TAB2: variants seen among roughly 807,000 people sequenced by gnomAD.
The protein encoded by TAB2 is TGF-beta-activated kinase 1 and MAP3K7-binding protein 2.
TAB2 carries 3 observed loss-of-function variants against 65.0 expected under a neutral mutation model. The observed-to-expected ratio is 0.05, with a 90% CI of 0.02 to 0.12. The LOEUF (loss-of-function observed/expected upper bound fraction) is 0.12, where lower values mean the gene tolerates loss of function less well. Among genes scored for constraint, TAB2 ranks in the 10% least tolerant of loss-of-function variants. The probability of loss-of-function intolerance (pLI) is 1.00; values close to 1 mark genes in which losing one functional copy is unlikely to be tolerated. For missense variants in TAB2, 623 were observed against 840.3 expected, an observed-to-expected ratio of 0.74 and a Z score of 3.20; for synonymous variants, 298 against 285.1, an observed-to-expected ratio of 1.05 and a Z score of -0.46.
intron 1 of TAB2, among the ~76,000 whole-genome samples, chr6:149,259,028 A>G (rs1778098751): frequency 6.6e-6 from 1 of 151,732 alleles, no homozygotes; most frequent in Middle Eastern, 3.2e-3. Context: ...GCAAGAAAAC[A>G]CTCTCTCCCA....
chr6:149,299,085 G>A (rs902068000), intron 1 of TAB2, among the ~76,000 whole-genome samples: 43 of 152,162 alleles, frequency 2.8e-4, no homozygotes, highest in African/African-American at 9.2e-4. Context: ...ACTATTAACC[G>A]TTTTATATAT....
At chr6:149,371,149 A>G (rs1349589490) in intron 2 of TAB2, among the ~76,000 whole-genome samples, 1 of 151,320 alleles carries the variant, frequency 6.6e-6, no homozygotes, top group African/African-American at 2.4e-5. Flanking sequence ...GTTTGAAATT[A>G]TATGAAATTT....
intron 1 of TAB2, among the ~76,000 whole-genome samples, chr6:149,337,094 A>G (rs1779957314): frequency 6.6e-6 from 1 of 152,156 alleles, no homozygotes; most frequent in South Asian, 2.1e-4. Context: ...TGATATCTCT[A>G]TAATTTATGC....
At chr6:149,258,470 A>C (rs959609963) in intron 1 of TAB2, among the ~76,000 whole-genome samples, 2 of 151,390 alleles carry the variant, frequency 1.3e-5, no homozygotes, top group Non-Finnish European at 2.9e-5. Context: ...ACATAAATAC[A>C]CTTTTACTTT....
intron 1 of TAB2, among the ~76,000 whole-genome samples, chr6:149,277,048 T>C (rs116283571): frequency 0.014 from 2,062 of 152,326 alleles, 42 homozygotes; most frequent in African/African-American, 0.047. Context: ...TCTCTCTTGA[T>C]TGTCACCATC....
At chr6:149,379,783 A>G (rs1781549507) in intron 3 of TAB2, 1 of 395,110 alleles carries the variant, frequency 2.5e-6, no homozygotes, top group Non-Finnish European at 4.8e-6. Context: ...GTTAATGTTT[A>G]TAACACTTTC....
intron 1 of TAB2, among the ~76,000 whole-genome samples, chr6:149,338,984 A>G (rs1051645647): frequency 6.6e-6 from 1 of 152,244 alleles, no homozygotes; most frequent in Non-Finnish European, 1.5e-5. Flanking sequence ...TAAGTGCTGT[A>G]GCAAGCAGTC....
At chr6:149,231,971 C>T (rs114283153) in intron 1 of TAB2, among the ~76,000 whole-genome samples, 7 of 152,212 alleles carry the variant, frequency 4.6e-5, no homozygotes, top group African/African-American at 1.4e-4. Flanking sequence ...CAAAGGACAG[C>T]GAGAGGATCT....
At chr6:149,373,182 T>C (rs1420526793) in intron 2 of TAB2, among the ~76,000 whole-genome samples, 2 of 152,244 alleles carry the variant, frequency 1.3e-5, no homozygotes, top group African/African-American at 4.8e-5. Context: ...TTGATTTTTA[T>C]ATTTGGTAAT....
At chr6:149,229,329 C>T (rs1203329957) in intron 1 of TAB2, among the ~76,000 whole-genome samples, 1 of 151,896 alleles carries the variant, frequency 6.6e-6, no homozygotes, top group African/African-American at 2.4e-5. Flanking sequence ...GAACTGGCAC[C>T]GTGCTTCTAC....
At chr6:149,261,539 T>G (rs980074895) in intron 1 of TAB2, among the ~76,000 whole-genome samples, 2 of 152,038 alleles carry the variant, frequency 1.3e-5, no homozygotes, top group African/African-American at 2.4e-5. Flanking sequence ...ACCACAAAGA[T>G]GAAAGGGAGC....
intron 1 of TAB2, among the ~76,000 whole-genome samples, chr6:149,326,379 G>T (rs1276575650): frequency 6.6e-6 from 1 of 151,960 alleles, no homozygotes; most frequent in Non-Finnish European, 1.5e-5. Flanking sequence ...TAGCCTAGAG[G>T]TAATAAATAT....
intron 1 of TAB2, among the ~76,000 whole-genome samples, chr6:149,260,867 C>T (rs1366251162): frequency 3.3e-5 from 5 of 152,176 alleles, no homozygotes; most frequent in Non-Finnish European, 4.4e-5. Flanking sequence ...ACAAAACCTT[C>T]GTTTCCCACA....
At chr6:149,316,259 C>G (rs760623367), upstream of TAB2, among the ~76,000 whole-genome samples, 1 of 152,214 alleles carries the variant, frequency 6.6e-6, no homozygotes, top group Non-Finnish European at 1.5e-5. Context: ...TAAGTACTTT[C>G]AGCTTTTGAA....
At chr6:149,394,665 C>T (rs1782109610) in intron 3 of TAB2, among the ~76,000 whole-genome samples, 1 of 152,150 alleles carries the variant, frequency 6.6e-6, no homozygotes, top group South Asian at 2.1e-4. Flanking sequence ...GCCTTCAGTG[C>T]ACCACAGTCT....
At chr6:149,318,964 C>G (rs1282502060) in intron 1 of TAB2, among the ~76,000 whole-genome samples, 1 of 152,148 alleles carries the variant, frequency 6.6e-6, no homozygotes, top group Non-Finnish European at 1.5e-5. Flanking sequence ...CTCCGTAGTT[C>G]ACGAAATTTA....
upstream of TAB2, among the ~76,000 whole-genome samples, chr6:149,314,343 G>C (rs1371296113): frequency 6.6e-6 from 1 of 152,112 alleles, no homozygotes; most frequent in Non-Finnish European, 1.5e-5. Flanking sequence ...CTAATGCCTA[G>C]AGAACAGTCC....
upstream of TAB2, among the ~76,000 whole-genome samples, chr6:149,316,836 G>A (rs1779264649): frequency 6.6e-6 from 1 of 152,016 alleles, no homozygotes; most frequent in Non-Finnish European, 1.5e-5. Context: ...GTCAGAAGCC[G>A]ACACTTTTTC....
chr6:149,308,349 A>G (rs1289948779), intron 1 of TAB2, among the ~76,000 whole-genome samples: 1 of 152,204 alleles, frequency 6.6e-6, no homozygotes, highest in African/African-American at 2.4e-5. Flanking sequence ...TGTCTCCACC[A>G]TGCCAACACT....
Sources: gnomAD v4.1 joint callset for allele counts (sites outside exome capture counted in the v4.1 genomes callset) on GRCh38, gnomAD v4.1.1 for gene constraint, MANE v1.5 for transcripts, NCBI Gene and HGNC (gene_info 2026-07-23, HGNC 2026-07-21) for gene names.